TBC1D5: variants seen among roughly 807,000 people sequenced by gnomAD.
The protein encoded by TBC1D5 is TBC1 domain family member 5.
TBC1D5 carries 75 observed loss-of-function variants against 100.3 expected under a neutral mutation model. The ratio of observed to expected loss-of-function variants is 0.75; its 90% confidence interval spans 0.62 to 0.91. The LOEUF is 0.91. Ranked by LOEUF, TBC1D5 falls within the 40% of genes least tolerant of loss-of-function variation. TBC1D5 has a pLI of 0.00. For synonymous variants in TBC1D5, 323 were observed against 325.6 expected, an observed-to-expected ratio of 0.99 and a Z score of 0.09; for missense variants, 910 against 942.4, an observed-to-expected ratio of 0.97 and a Z score of 0.45.
intron 2 of TBC1D5, among the ~76,000 whole-genome samples, chr3:17,581,029 C>T (rs539660913): frequency 5.1e-4 from 77 of 152,272 alleles, no homozygotes; most frequent in Middle Eastern, 3.4e-3. Context: ...CCCCACGTGT[C>T]GTGGGAGGGA....
chr3:17,566,281 T>A (rs1025442431), intron 2 of TBC1D5, among the ~76,000 whole-genome samples: 1 of 151,994 alleles, frequency 6.6e-6, no homozygotes, highest in African/African-American at 2.4e-5. Context: ...CACAAAGAAT[T>A]ATTAATAGTT....
chr3:17,319,682 A>C (rs2085146162), intron 13 of TBC1D5, among the ~76,000 whole-genome samples: 1 of 152,112 alleles, frequency 6.6e-6, no homozygotes, highest in South Asian at 2.1e-4. Context: ...CATCCTGGCT[A>C]ACATGGTGAA....
intron 15 of TBC1D5, among the ~76,000 whole-genome samples, chr3:17,287,168 T>A (rs2081266349): frequency 6.6e-6 from 1 of 152,196 alleles, no homozygotes; most frequent in Non-Finnish European, 1.5e-5. Context: ...AATGTGAACA[T>A]GGGTTCCAGA....
intron 4 of TBC1D5, among the ~76,000 whole-genome samples, chr3:17,407,625 A>T (rs1162113702): frequency 6.6e-6 from 1 of 152,148 alleles, no homozygotes; most frequent in Non-Finnish European, 1.5e-5. Context: ...AATGAACTGT[A>T]CACAAAAATT....
chr3:17,381,896 T>G (rs1169566534), intron 9 of TBC1D5, among the ~76,000 whole-genome samples: 1 of 152,062 alleles, frequency 6.6e-6, no homozygotes, highest in African/African-American at 2.4e-5. Context: ...CAGACGGAAA[T>G]CCACATATAG....
intron 21 of TBC1D5, among the ~76,000 whole-genome samples, chr3:17,162,214 G>C (rs1021889634): frequency 6.6e-6 from 1 of 152,182 alleles, no homozygotes. Flanking sequence ...AGCATGGGTG[G>C]AGTCTCGTGC....
chr3:17,351,687 C>A (rs1336083885), intron 13 of TBC1D5, among the ~76,000 whole-genome samples: 2 of 151,808 alleles, frequency 1.3e-5, no homozygotes, highest in African/African-American at 4.8e-5. Flanking sequence ...TGTAACAAAC[C>A]TGCACGTTCT....
At position 17,321,898 on chromosome 3, in the gene TBC1D5, G is replaced by A. The variant is rs367946798; in HGVS notation, c.996-13764C>T. 1.1e-3 allele frequency among the ~76,000 whole-genome samples: 170 copies of A among 152,216 alleles called. 2 individuals are homozygous for A. The Middle Eastern group carries it at 0.027, about 25-fold the overall frequency. The stretch of plus-strand genomic sequence containing the variant: ...CACTCTGTTTACAGTACAGAGAGTT[G>A]GATATATACCAATTATATCTAACTG... On this transcript the variant is annotated intron_variant, in intron 13 of 21. Transcript: ENST00000253692.
At chr3:17,340,705 C>A (rs1485762979) in intron 13 of TBC1D5, 1 of 152,114 alleles carries the variant, frequency 6.6e-6, no homozygotes, top group African/African-American at 2.4e-5. Context: ...GCTGAAAGAG[C>A]AGAGGGATTA....
intron 19 of TBC1D5, among the ~76,000 whole-genome samples, chr3:17,173,446 C>T (rs1489944386): frequency 2.0e-5 from 3 of 152,124 alleles, no homozygotes; most frequent in Non-Finnish European, 4.4e-5. Context: ...TCATTTCTAT[C>T]AGAGAGCATT....
intron 13 of TBC1D5, among the ~76,000 whole-genome samples, chr3:17,309,031 C>T (rs953264126): frequency 1.3e-5 from 2 of 152,052 alleles, no homozygotes; most frequent in Admixed American, 6.5e-5. Context: ...AGGACTTCAG[C>T]TAGAATTCTA....
chr3:17,650,665 T>C (rs966763436), intron 1 of TBC1D5, among the ~76,000 whole-genome samples: 25 of 152,210 alleles, frequency 1.6e-4, no homozygotes, highest in Admixed American at 1.2e-3. Context: ...GGCTCTGTAT[T>C]GATGAAAGTA....
At chr3:17,473,138 G>C (rs1182232364) in intron 3 of TBC1D5, among the ~76,000 whole-genome samples, 1 of 152,032 alleles carries the variant, frequency 6.6e-6, no homozygotes, top group Non-Finnish European at 1.5e-5. Flanking sequence ...AAGTGCAGTG[G>C]CTAATACCTG....
chr3:17,530,200 T>C (rs560183652), intron 2 of TBC1D5, among the ~76,000 whole-genome samples: 10 of 143,154 alleles, frequency 7.0e-5, no homozygotes, highest in Middle Eastern at 3.7e-3. Flanking sequence ...GCCAAGATCA[T>C]GCCACTGCAT....
chr3:17,394,688 C>G (rs2093449248), intron 8 of TBC1D5, among the ~76,000 whole-genome samples: 1 of 152,080 alleles, frequency 6.6e-6, no homozygotes, highest in African/African-American at 2.4e-5. Flanking sequence ...GAATCTTGAA[C>G]TTCTAAAACA....
At chr3:17,324,791 A>G (rs2085882534) in intron 13 of TBC1D5, among the ~76,000 whole-genome samples, 2 of 152,240 alleles carry the variant, frequency 1.3e-5, no homozygotes, top group Admixed American at 1.3e-4. Flanking sequence ...TGGACAAGAT[A>G]TAAGAACAGA....
At chr3:17,529,646 A>T (rs1221604276) in intron 2 of TBC1D5, among the ~76,000 whole-genome samples, 2 of 150,200 alleles carry the variant, frequency 1.3e-5, no homozygotes, top group Non-Finnish European at 2.9e-5. Context: ...TATTATTATT[A>T]TTATTTTTAT....
chr3:17,223,329 C>G (rs1009360752), intron 17 of TBC1D5, among the ~76,000 whole-genome samples: 18 of 152,002 alleles, frequency 1.2e-4, no homozygotes, highest in African/African-American at 4.3e-4. Flanking sequence ...TTTGCCTATT[C>G]CCCCCGCAAA....
intron 4 of TBC1D5, among the ~76,000 whole-genome samples, chr3:17,422,123 A>G (rs972906139): frequency 6.6e-6 from 1 of 152,128 alleles, no homozygotes; most frequent in African/African-American, 2.4e-5. Flanking sequence ...TCTAGCAAAT[A>G]AATTGATTGA....
Sources: gnomAD v4.1 joint callset for allele counts (sites outside exome capture counted in the v4.1 genomes callset) on GRCh38, gnomAD v4.1.1 for gene constraint, MANE v1.5 for transcripts, NCBI Gene and HGNC (gene_info 2026-07-23, HGNC 2026-07-21) for gene names.